The following ANKRD33 variants were observed in gnomAD, a reference collection of about 807,000 sequenced individuals.
The protein encoded by ANKRD33 is ankyrin repeat domain 33, also known as photoreceptor ankyrin repeat protein.
Under a neutral mutation model 20.6 loss-of-function variants are expected in ANKRD33, and 20 were observed. That is an observed-to-expected ratio of 0.97 (90% CI 0.68 to 1.41). The LOEUF (loss-of-function observed/expected upper bound fraction) is 1.41, where lower values mean the gene tolerates loss of function less well. Ranked by LOEUF, ANKRD33 falls within the 40% of genes most tolerant of loss-of-function variation. The probability of loss-of-function intolerance (pLI) is 0.00; values close to 1 mark genes in which losing one functional copy is unlikely to be tolerated. For synonymous variants in ANKRD33, 246 were observed against 245.0 expected (o/e 1.00, Z -0.04); for missense variants, 545 against 579.6 (o/e 0.94, Z 0.61).
chr12:51,888,816 AG>A lies in ANKRD33; in HGVS notation c.396+1del. The A allele has an allele frequency of 6.2e-7, 1 of 1,613,026 alleles. No homozygotes were observed. Among genetic ancestry groups the A allele is most frequent in the Admixed American group, 1.7e-5 (1 of 60,004 alleles). On this transcript the variant is annotated frameshift_variant and splice_region_variant, in exon 2 of 5. Coordinates refer to ENST00000301190, the MANE Select transcript of ANKRD33 (RefSeq NM_182608.4). ...GGCCACCCAGGTGGACAGCAATGGG[AG>A]GGTGAGATGTCCTGGCTTCCCAGAA... is the stretch of plus-strand genomic sequence containing the variant. ...EEATQVDSNG[R>X]TGLMVACYHG...
intron 4 of ANKRD33, 159 bp downstream of exon 4, chr12:51,889,641 C>T (rs777617724): frequency 7.5e-7 from 1 of 1,329,200 alleles, no homozygotes; most frequent in South Asian, 1.5e-5. Flanking sequence ...TCTAGTTCAC[C>T]TTCCTGGAGG....
In ANKRD33 at chr12:51,890,635, G is replaced by A. The variant is rs1455742655; in HGVS notation, c.689G>A (p.Trp230Ter). The A allele has an allele frequency of 4.3e-6, 7 of 1,609,810 alleles. No homozygotes were observed. The Middle Eastern group carries it at 6.6e-4, about 152-fold the overall frequency. The change falls in exon 5 of 5, where the codon TGG becomes TAG. Residue 230 changes from tryptophan to a stop codon, truncating the protein, a stop_gained. Coordinates refer to ENST00000301190, the MANE Select transcript of ANKRD33 (RefSeq NM_182608.4). LOFTEE classifies it low-confidence loss of function (END_TRUNC). ...DPVRGKTALE[W>*]AVLTDSFDTV... ...GTTCGGGGCAAGACGGCCCTGGAAT[G>A]GGCAGTGCTGACCGACAGCTTCGAC...
At chr12:51,889,025 G>T in intron 2 of ANKRD33, 42 bp from the exon 3 acceptor site, 1 of 1,613,260 alleles carries the variant, frequency 6.2e-7, no homozygotes, top group Non-Finnish European at 8.5e-7. Flanking sequence ...CCCTGGAGTG[G>T]CCCAGGGGGA....
intron 2 of ANKRD33, 53 bp from the exon 3 acceptor site, chr12:51,889,014 G>T (rs757370495): frequency 1.2e-6 from 2 of 1,612,010 alleles, no homozygotes; most frequent in Non-Finnish European, 1.7e-6. Flanking sequence ...GGTGCAAGGG[G>T]CCCTGGAGTG....
rs866543330 is a variant in ANKRD33, at chr12:51,888,709, TG to T, written c.292del (p.Ala98ProfsTer61). 9.9e-6 allele frequency: 16 copies of T among 1,613,746 alleles called. No individual in the cohort carries two copies. The highest frequency in any genetic ancestry group is 1.3e-5 in the African/African-American group (1 of 74,910). ...GKETPTPGCR[L>X]GALYWACVHN... is the part of the protein sequence containing the mutation. ...GAGACCCCCACCCCAGGCTGCAGGCTGGGGGCCCTGTATTGGGCCTGTGTCC... is the reference window on the plus strand; with the variant it reads ...GAGACCCCCACCCCAGGCTGCAGGCTGGGGCCCTGTATTGGGCCTGTGTCC... On this transcript the variant is annotated frameshift_variant, in exon 2 of 5. Coordinates refer to ENST00000301190, the MANE Select transcript of ANKRD33 (RefSeq NM_182608.4).
Position 51,888,131 on chromosome 12 carries a change from C to CCCCA in ANKRD33, c.-55_-52dup, listed in dbSNP as rs1484750643. On this transcript the variant is annotated 5_prime_UTR_variant, in exon 1 of 5. It introduces an in-frame stop codon into an upstream open reading frame of the 5' UTR. Transcript: ENST00000301190. ...ACGTGACCACCCGCCCCGCATGGGGCCCCAGTCCCAGCTGCTTGATCCGGC... is the reference window on the plus strand; with the variant it reads ...ACGTGACCACCCGCCCCGCATGGGGCCCCACCCAGTCCCAGCTGCTTGATCCGGC... 15 of 1,597,058 alleles carry CCCCA rather than the reference C, an allele frequency of 9.4e-6. No individual in the cohort carries two copies. The highest frequency in any genetic ancestry group is 1.1e-5 in the Non-Finnish European group (13 of 1,171,076).
At position 51,891,318 on chromosome 12, in the gene ANKRD33, T is replaced by C; in HGVS notation, c.*13T>C. 1 of 1,610,966 alleles carries C rather than the reference T, an allele frequency of 6.2e-7. No homozygotes were observed. The highest frequency in any genetic ancestry group is 2.2e-5 in the East Asian group (1 of 44,804). On this transcript the variant is annotated 3_prime_UTR_variant, in exon 5 of 5. Coordinates refer to ENST00000301190, the MANE Select transcript of ANKRD33 (RefSeq NM_182608.4). ...GGCACAGAAGTAGGGGAAGATGGGA[T>C]AGGACAGGCTGGGAACAGGTAATCA...
At chr12:51,888,514 C>T (rs1940294119) in intron 1 of ANKRD33, 54 bp from the exon 2 acceptor site, 3 of 1,551,252 alleles carry the variant, frequency 1.9e-6, no homozygotes, top group Non-Finnish European at 2.6e-6. Context: ...CTGCTGGGTC[C>T]CCTCCCTAGG....
chr12:51,888,863 T>C, intron 2 of ANKRD33, 45 bp downstream of exon 2: 1 of 1,607,418 alleles, frequency 6.2e-7, no homozygotes, highest in Non-Finnish European at 8.5e-7. Context: ...CATCTTTGCA[T>C]CCCCACCACA....
rs1433666499 is a variant in ANKRD33, at chr12:51,888,290, T to G, written c.104T>G (p.Val35Gly). 6.2e-7 allele frequency: 1 copy of G among 1,608,020 alleles called. No individual in the cohort carries two copies. The highest frequency in any genetic ancestry group is 2.2e-5 in the East Asian group (1 of 44,452). ...ATTGTGCTCCGCGGAGCCTGGGCTG[T>G]GCCCCGCGTTGACTGCCTCATAGAT... ...PVIVLRGAWA[V>G]PRVDCLIDTL... The change falls in exon 1 of 5, where the codon GTG becomes GGG. Residue 35 changes from valine (V) to glycine (G), a missense_variant. Val to Gly is a moderately radical substitution (Grantham distance 109). Coordinates refer to ENST00000301190, the MANE Select transcript of ANKRD33 (RefSeq NM_182608.4).
chr12:51,890,495 C>T (rs781238236), intron 4 of ANKRD33, 89 bp from the exon 5 acceptor site: 7 of 1,538,662 alleles, frequency 4.5e-6, no homozygotes, highest in Non-Finnish European at 6.1e-6. Flanking sequence ...CGAATGTAAC[C>T]CACATCAGTC....
In ANKRD33 at chr12:51,891,360, T is replaced by C; in HGVS notation, c.*55T>C. The C allele has an allele frequency of 6.4e-7, 1 of 1,568,072 alleles. No individual in the cohort carries two copies. The highest frequency in any genetic ancestry group is 1.2e-5 in the South Asian group (1 of 85,672). The stretch of plus-strand genomic sequence containing the variant: ...AGGTAATCAGGCCCCTCCCAGGGCT[T>C]CTTTCCCCTCTGGAGTGCCTCCGGC... On this transcript the variant is annotated 3_prime_UTR_variant, in exon 5 of 5. Coordinates refer to ENST00000301190, the MANE Select transcript of ANKRD33 (RefSeq NM_182608.4).
Position 51,890,613 on chromosome 12 carries a change from CG to C in ANKRD33, c.671del (p.Gly224AlafsTer10), listed in dbSNP as rs1360440737. On this transcript the variant is annotated frameshift_variant, in exon 5 of 5. Coordinates refer to ENST00000301190, the MANE Select transcript of ANKRD33 (RefSeq NM_182608.4). LOFTEE classifies it low-confidence loss of function (END_TRUNC). ...CADLTAVDPVRGKTALEWAVL... is the reference protein window; with the variant it reads ...CADLTAVDPVXGKTALEWAVL... The stretch of plus-strand genomic sequence containing the variant: ...TGACCTGACAGCAGTGGACCCTGTT[CG>C]GGGCAAGACGGCCCTGGAATGGGCA... 1.2e-6 allele frequency: 2 copies of C among 1,610,380 alleles called. No homozygotes were observed. The highest frequency in any genetic ancestry group is 1.7e-6 in the Non-Finnish European group (2 of 1,179,872).
rs749965818 is a variant in ANKRD33 at position 51,891,266 on chromosome 12, G to A, written c.1320G>A (p.Lys440=). 7.4e-6 allele frequency: 12 copies of A among 1,614,112 alleles called. No individual in the cohort carries two copies. Reference sequence around the variant, plus strand: ...GATACCAGGAGCTCAGGATAGAGAAGAGGAAACAGGAGGAGGAGGCCAGAA... The same window carrying A: ...GATACCAGGAGCTCAGGATAGAGAAAAGGAAACAGGAGGAGGAGGCCAGAA... ...LWRYQELRIE[K]RKQEEEARMA... Residue 440 remains lysine (K), a synonymous_variant, in exon 5 of 5, where the codon AAG becomes AAA. Coordinates refer to ENST00000301190, the MANE Select transcript of ANKRD33 (RefSeq NM_182608.4).
chr12:51,889,175 C>T lies in ANKRD33; in HGVS notation c.505C>T (p.Leu169Phe), dbSNP rs1187184592. The change falls in exon 3 of 5, where the codon CTC (leucine) becomes TTC (phenylalanine). Residue 169 changes from leucine (L) to phenylalanine (F), a missense_variant. Physicochemically the swap from Leu to Phe is conservative, Grantham distance 22. Transcript: ENST00000301190. ...GCAGGACAAAGGAGGGGACACGGCC[C>T]TCATGTTGGCTGCCCAAGCAGGTGT... is the stretch of plus-strand genomic sequence containing the variant. ...NQQDKGGDTA[L>F]MLAAQAGHVP... The T allele has an allele frequency of 6.2e-7, 1 of 1,614,102 alleles. No homozygotes were observed. The highest frequency in any genetic ancestry group is 2.2e-5 in the East Asian group (1 of 44,896).
chr12:51,891,268 G>C lies in ANKRD33; in HGVS notation c.1322G>C (p.Arg441Thr), dbSNP rs149492537. 6.2e-7 allele frequency: 1 copy of C among 1,614,098 alleles called. No homozygotes were observed. The highest frequency in any genetic ancestry group is 8.5e-7 in the Non-Finnish European group (1 of 1,180,030). Residue 441 changes from arginine (R) to threonine (T), a missense_variant, in exon 5 of 5, where the codon AGG becomes ACG. Physicochemically the swap from Arg to Thr is moderately conservative, Grantham distance 71. Transcript: ENST00000301190. ...TACCAGGAGCTCAGGATAGAGAAGAGGAAACAGGAGGAGGAGGCCAGAATG... is the reference window on the plus strand; with the variant it reads ...TACCAGGAGCTCAGGATAGAGAAGACGAAACAGGAGGAGGAGGCCAGAATG... ...WRYQELRIEK[R>T]KQEEEARMAQ...
rs779976804 is a variant in ANKRD33 at position 51,889,498 on chromosome 12, C to T, written c.637+16C>T. The T allele has an allele frequency of 6.2e-7, 1 of 1,612,844 alleles. No individual in the cohort carries two copies. Among genetic ancestry groups the T allele is most frequent in the African/African-American group, 1.3e-5 (1 of 75,014 alleles). On this transcript the variant is annotated intron_variant, in intron 4 of 4. Transcript: ENST00000301190. Reference sequence around the variant, plus strand: ...CGGAACCGCTGTGAGTGCGTGGCCACCCTCCTCATGGCAGGTGTGCGGGGC... The same window carrying T: ...CGGAACCGCTGTGAGTGCGTGGCCATCCTCCTCATGGCAGGTGTGCGGGGC...
Position 51,891,121 on chromosome 12 carries a change from G to C in ANKRD33, c.1175G>C (p.Ser392Thr). Reference sequence around the variant, plus strand: ...CTTCAGTGGCTACAACCCAGGGATAGCACCAGCCCCAGGCCCCAAGTCCCC... The same window carrying C: ...CTTCAGTGGCTACAACCCAGGGATACCACCAGCCCCAGGCCCCAAGTCCCC... The part of the protein sequence containing the change: ...KCLQWLQPRD[S>T]TSPRPQVPKI... The change falls in exon 5 of 5, where the codon AGC becomes ACC. Residue 392 changes from serine (S) to threonine (T), a missense_variant. By Grantham distance (58) the Ser-to-Thr change is moderately conservative. Coordinates refer to ENST00000301190, the MANE Select transcript of ANKRD33 (RefSeq NM_182608.4). The C allele has an allele frequency of 6.2e-7, 1 of 1,614,160 alleles. No individual in the cohort carries two copies. The highest frequency in any genetic ancestry group is 8.5e-7 in the Non-Finnish European group (1 of 1,180,042).
rs1940334143 is a variant in ANKRD33, at chr12:51,889,395, C to G, written c.550C>G (p.Leu184Val). The change falls in exon 4 of 5, where the codon CTG becomes GTG. Residue 184 changes from leucine (L) to valine (V), a missense_variant. Transcript: ENST00000301190. Reference protein sequence around the residue: ...QAGHVPLVSLLLNYYVGLDLE... With the variant: ...QAGHVPLVSLVLNYYVGLDLE... ...AGGCCACGTGCCTCTAGTGAGTCTC[C>G]TGCTCAACTACTATGTGGGCCTGGA... 1.2e-6 allele frequency: 2 copies of G among 1,614,176 alleles called. No homozygotes were observed. The highest frequency in any genetic ancestry group is 2.2e-5 in the East Asian group (1 of 44,878).
Sources: allele counts gnomAD v4.1 joint callset, GRCh38; gene constraint gnomAD v4.1.1; transcripts MANE v1.5; gene names NCBI Gene and HGNC (gene_info 2026-07-23, HGNC 2026-07-21).